Variants in PDE1C observed in about 807,000 individuals in gnomAD.
PDE1C encodes dual specificity calcium/calmodulin-dependent 3',5'-cyclic nucleotide phosphodiesterase 1C.
In PDE1C, 62 loss-of-function variants were observed where a neutral mutation model predicts 93.1. The ratio of observed to expected loss-of-function variants is 0.67; its 90% confidence interval spans 0.54 to 0.82. The LOEUF (loss-of-function observed/expected upper bound fraction) is 0.82, where lower values mean the gene tolerates loss of function less well. Ranked by LOEUF, PDE1C falls within the 40% of genes least tolerant of loss-of-function variation. The probability of loss-of-function intolerance (pLI) is 0.00; values close to 1 mark genes in which losing one functional copy is unlikely to be tolerated. For synonymous variants in PDE1C, 325 were observed against 310.1 expected, an observed-to-expected ratio of 1.05 and a Z score of -0.50; for missense variants, 742 against 884.6, an observed-to-expected ratio of 0.84 and a Z score of 2.04.
At chr7:31,630,636 C>G in the PDE1C span, among the ~76,000 whole-genome samples, 1 of 151,864 alleles carries the variant, frequency 6.6e-6, no homozygotes, top group East Asian at 1.9e-4. Context: ...ATTTACCAAT[C>G]AGTTATAAAA....
intron 1 of PDE1C, among the ~76,000 whole-genome samples, chr7:32,282,512 G>GATAGATA: frequency 1.3e-4 from 1 of 7,590 alleles, no homozygotes; most frequent in African/African-American, 2.7e-4. Context: ...ATAGATAGAT[G>GATAGATA]GTCAATTAAC....
chr7:31,899,084 G>T (rs1799650842), intron 2 of PDE1C, among the ~76,000 whole-genome samples: 1 of 151,082 alleles, frequency 6.6e-6, no homozygotes, highest in Admixed American at 6.6e-5. Context: ...GCCCTTAGTG[G>T]ACTGTTGCTT....
chr7:31,959,465 CGGGCTCCCAAAGTGCT>C (rs1808616376), intron 2 of PDE1C, among the ~76,000 whole-genome samples: 1 of 152,136 alleles, frequency 6.6e-6, no homozygotes, highest in Admixed American at 6.5e-5. Context: ...CCACCCTCTT[CGGGCTCCCAAAGTGCT>C]GGAATTACAG....
intron 3 of PDE1C, among the ~76,000 whole-genome samples, chr7:32,165,357 T>C (rs551484540): frequency 6.6e-6 from 1 of 152,314 alleles, no homozygotes; most frequent in African/African-American, 2.4e-5. Flanking sequence ...TTTATCCCCA[T>C]TTCAAAGATT....
At chr7:31,823,799 C>T (rs745512065) in intron 13 of PDE1C, among the ~76,000 whole-genome samples, 4 of 152,116 alleles carry the variant, frequency 2.6e-5, no homozygotes, top group Non-Finnish European at 5.9e-5. Flanking sequence ...GGGACTAGGT[C>T]ATGCAAAAGA....
the PDE1C span, among the ~76,000 whole-genome samples, chr7:31,679,834 G>A: frequency 3.3e-5 from 5 of 152,316 alleles, no homozygotes; most frequent in African/African-American, 1.2e-4. Context: ...TGGCGACACA[G>A]TGGGGATTAG....
chr7:32,419,407 C>T (rs972834049), intron 1 of PDE1C, among the ~76,000 whole-genome samples: 2 of 152,226 alleles, frequency 1.3e-5, no homozygotes, highest in Non-Finnish European at 2.9e-5. Context: ...CCTCTAACTA[C>T]TCCCTCCCTA....
chr7:32,120,240 C>T (rs1799220503), intron 3 of PDE1C, among the ~76,000 whole-genome samples: 1 of 152,314 alleles, frequency 6.6e-6, no homozygotes, highest in Middle Eastern at 3.4e-3. Context: ...ACCCTGATCT[C>T]CCTGGGCCTG....
the PDE1C span, among the ~76,000 whole-genome samples, chr7:31,664,729 T>C: frequency 2.0e-5 from 3 of 152,236 alleles, no homozygotes; most frequent in South Asian, 2.1e-4. Context: ...AAGAGATTAA[T>C]TGAGTCTTTT....
intron 1 of PDE1C, among the ~76,000 whole-genome samples, chr7:32,322,282 A>C (rs940589483): frequency 1.3e-5 from 2 of 152,190 alleles, no homozygotes; most frequent in African/African-American, 4.8e-5. Flanking sequence ...GCCCACGTTC[A>C]AAAAGCTCAT....
intron 3 of PDE1C, among the ~76,000 whole-genome samples, chr7:32,117,381 G>A (rs1799041711): frequency 6.6e-6 from 1 of 152,152 alleles, no homozygotes; most frequent in South Asian, 2.1e-4. Flanking sequence ...TTCCTTCTGG[G>A]CCTCAGGGCC....
At chr7:31,931,407 A>G (rs776532889) in intron 2 of PDE1C, among the ~76,000 whole-genome samples, 2 of 152,248 alleles carry the variant, frequency 1.3e-5, no homozygotes, top group Non-Finnish European at 2.9e-5. Flanking sequence ...AAACAACATC[A>G]ATGTGCAAAA....
chr7:31,669,074 G>C, the PDE1C span, among the ~76,000 whole-genome samples: 1 of 152,146 alleles, frequency 6.6e-6, no homozygotes, highest in Non-Finnish European at 1.5e-5. Context: ...TGAATGTAAT[G>C]AGAAGTCACT....
intron 2 of PDE1C, among the ~76,000 whole-genome samples, chr7:31,926,516 C>T (rs548702685): frequency 6.6e-6 from 1 of 152,336 alleles, no homozygotes; most frequent in East Asian, 1.9e-4. Context: ...CAAATAGGAA[C>T]AGCTCCGGTC....
chr7:32,099,768 T>C (rs1315173046), intron 3 of PDE1C, among the ~76,000 whole-genome samples: 1 of 152,200 alleles, frequency 6.6e-6, no homozygotes, highest in African/African-American at 2.4e-5. Context: ...CCTTTACATA[T>C]GCTCTTTCCA....
Position 32,112,846 on chromosome 7 carries a change from GTATATATA to G in PDE1C, c.308+56931_308+56938del, listed in dbSNP as rs1203879712. On this transcript the variant is annotated intron_variant, in intron 3 of 18. Transcript: ENST00000396193. ...TGTGTGTGTGTGTGTGTGTGTGTGTGTATATATATATATATATATATATATATCTCAAA... is the reference window on the plus strand; with the variant it reads ...TGTGTGTGTGTGTGTGTGTGTGTGTGTATATATATATATATATATCTCAAA... Among the ~76,000 whole-genome samples the G allele has an allele frequency of 6.8e-3, 401 of 59,112 alleles. 4 individuals carry two copies. The highest frequency in any genetic ancestry group is 0.026 in the African/African-American group (375 of 14,226). The allele number at this position is 59,112 out of a possible 152,430, so 38.8% of individuals were successfully genotyped here. A position where few individuals can be genotyped will look rare whatever the true frequency, so the allele number is the denominator to read the frequency against.
chr7:31,779,706 C>CG (rs921779688), intron 16 of PDE1C, among the ~76,000 whole-genome samples: 40 of 152,058 alleles, frequency 2.6e-4, no homozygotes, highest in Non-Finnish European at 5.0e-4. Flanking sequence ...GGGCCATTGG[C>CG]GGGGGGTTAG....
At chr7:31,776,498 T>C (rs896989117) in intron 16 of PDE1C, among the ~76,000 whole-genome samples, 2 of 152,022 alleles carry the variant, frequency 1.3e-5, no homozygotes, top group African/African-American at 4.8e-5. Flanking sequence ...AACCCCAGGA[T>C]GGGATCAATA....
At chr7:32,084,586 G>A (rs916383872) in intron 3 of PDE1C, among the ~76,000 whole-genome samples, 2 of 151,800 alleles carry the variant, frequency 1.3e-5, no homozygotes, top group African/African-American at 4.8e-5. Flanking sequence ...TTCCAAAATT[G>A]CACACATAGT....
Sources: gnomAD v4.1 joint callset for allele counts (sites outside exome capture counted in the v4.1 genomes callset) on GRCh38, gnomAD v4.1.1 for gene constraint, MANE v1.5 for transcripts, NCBI Gene and HGNC (gene_info 2026-07-23, HGNC 2026-07-21) for gene names.